EFNA5: variants seen among roughly 807,000 people sequenced by gnomAD.
The protein encoded by EFNA5 is ephrin-A5.
Under a neutral mutation model 22.9 loss-of-function variants are expected in EFNA5, and 5 were observed. That is an observed-to-expected ratio of 0.22 (90% CI 0.11 to 0.46). The LOEUF is 0.46. Among genes scored for constraint, EFNA5 ranks in the 20% least tolerant of loss-of-function variants. The pLI is 0.99. For synonymous variants in EFNA5, 113 were observed against 112.2 expected (o/e 1.01, Z -0.04); for missense variants, 237 against 293.3 (o/e 0.81, Z 1.40).
chr5:107,441,253 C>CTA (rs141594604), intron 1 of EFNA5, among the ~76,000 whole-genome samples: 17 of 152,180 alleles, frequency 1.1e-4, no homozygotes, highest in Non-Finnish European at 2.2e-4. Context: ...TACTATGGTT[C>CTA]TATAAACGTG....
intron 1 of EFNA5, among the ~76,000 whole-genome samples, chr5:107,574,692 A>G (rs1344960641): frequency 2.6e-5 from 4 of 152,194 alleles, no homozygotes; most frequent in Admixed American, 1.3e-4. Context: ...GAAGGGGGGA[A>G]AAAGACTAAG....
chr5:107,476,735 T>TTCTCTCTCTCTCTC (rs34563371), intron 1 of EFNA5, among the ~76,000 whole-genome samples: 19 of 148,230 alleles, frequency 1.3e-4, no homozygotes, highest in Middle Eastern at 3.5e-3. Context: ...TTTTTTCTCT[T>TTCTCTCTCTCTCTC]TCTCTCTCTC....
chr5:107,579,032 T>C (rs103840), intron 1 of EFNA5, among the ~76,000 whole-genome samples: 73,854 of 151,934 alleles, frequency 0.49, 19,174 homozygotes, highest in African/African-American at 0.64. Context: ...GGTGTCCACA[T>C]GAAGCACACT....
chr5:107,399,510 G>T (rs576356683), intron 2 of EFNA5, among the ~76,000 whole-genome samples: 2 of 152,222 alleles, frequency 1.3e-5, no homozygotes, highest in African/African-American at 4.8e-5. Context: ...CAGGTTGCAG[G>T]CCCCTCCCAG....
intron 1 of EFNA5, among the ~76,000 whole-genome samples, chr5:107,477,121 A>G (rs540034886): frequency 6.6e-5 from 10 of 152,292 alleles, no homozygotes; most frequent in African/African-American, 2.4e-4. Flanking sequence ...CCAAAACAAA[A>G]AGAGAAACAT....
chr5:107,556,453 A>G (rs1748417103), intron 1 of EFNA5, among the ~76,000 whole-genome samples: 1 of 152,208 alleles, frequency 6.6e-6, no homozygotes, highest in Non-Finnish European at 1.5e-5. Flanking sequence ...TTCTTAATAA[A>G]TAAATATCTC....
chr5:107,378,935 G>A lies in EFNA5; in HGVS notation c.*2320C>T, dbSNP rs1747351280. 6.6e-6 allele frequency: 1 copy of A among 151,668 alleles called. No homozygotes were observed. The highest frequency in any genetic ancestry group is 2.4e-5 in the African/African-American group (1 of 41,252). The allele number at this position is 151,668 out of a possible 1,614,324, so 9.4% of individuals were successfully genotyped here. On this transcript the variant is annotated 3_prime_UTR_variant, in exon 5 of 5. Transcript: ENST00000333274. ...TTGGTTCTATTGATCCATTTTAGAA[G>A]GTATCTTTCTCCCCCTACCCAAATC...
At chr5:107,490,106 T>C (rs1746760889) in intron 1 of EFNA5, among the ~76,000 whole-genome samples, 1 of 152,202 alleles carries the variant, frequency 6.6e-6, no homozygotes, top group Non-Finnish European at 1.5e-5. Flanking sequence ...TAGCTAGCAA[T>C]TAATTCTAGG....
chr5:107,402,135 A>G (rs768139039), intron 2 of EFNA5, among the ~76,000 whole-genome samples: 1 of 152,232 alleles, frequency 6.6e-6, no homozygotes, highest in Non-Finnish European at 1.5e-5. Flanking sequence ...ATATTCAATT[A>G]GGGGTGTATG....
intron 1 of EFNA5, among the ~76,000 whole-genome samples, chr5:107,447,164 A>G (rs1430693009): frequency 6.6e-6 from 1 of 152,216 alleles, no homozygotes; most frequent in Non-Finnish European, 1.5e-5. Context: ...AAGGGGAATC[A>G]GACTGAATGA....
At chr5:107,621,779 AAG>A (rs771580761) in intron 1 of EFNA5, among the ~76,000 whole-genome samples, 9 of 152,230 alleles carry the variant, frequency 5.9e-5, no homozygotes, top group Non-Finnish European at 8.8e-5. Context: ...GGGATTTAAA[AAG>A]AGGAAGGAAA....
At chr5:107,633,993 A>G (rs1580571845) in intron 1 of EFNA5, among the ~76,000 whole-genome samples, 1 of 152,246 alleles carries the variant, frequency 6.6e-6, no homozygotes, top group Admixed American at 6.5e-5. Flanking sequence ...AGATTTTAAG[A>G]GAAAAGACAT....
chr5:107,653,014 G>C (rs188197742), intron 1 of EFNA5, among the ~76,000 whole-genome samples: 1 of 152,132 alleles, frequency 6.6e-6, no homozygotes, highest in Admixed American at 6.5e-5. Flanking sequence ...AAGGCACTTA[G>C]GAGACCCAAG....
At chr5:107,619,195 G>T (rs1464938571) in intron 1 of EFNA5, among the ~76,000 whole-genome samples, 1 of 151,792 alleles carries the variant, frequency 6.6e-6, no homozygotes, top group Non-Finnish European at 1.5e-5. Flanking sequence ...AAAGTGCTGG[G>T]ATTACAGGTG....
At chr5:107,579,850 A>G (rs774553639) in intron 1 of EFNA5, among the ~76,000 whole-genome samples, 4 of 152,238 alleles carry the variant, frequency 2.6e-5, no homozygotes, top group Non-Finnish European at 5.9e-5. Flanking sequence ...CTTTTTAGCC[A>G]AAAGATCTCT....
intron 1 of EFNA5, among the ~76,000 whole-genome samples, chr5:107,550,365 A>G (rs778538537): frequency 2.6e-5 from 4 of 152,226 alleles, no homozygotes; most frequent in Non-Finnish European, 2.9e-5. Context: ...GTGTTTCCTC[A>G]TCTTTATATG....
intron 1 of EFNA5, among the ~76,000 whole-genome samples, chr5:107,608,524 T>C (rs1222784396): frequency 6.6e-6 from 1 of 152,138 alleles, no homozygotes; most frequent in Admixed American, 6.5e-5. Flanking sequence ...CTCAGCTGAA[T>C]ATGTTCTTTG....
At chr5:107,526,344 A>T (rs1306772360) in intron 1 of EFNA5, among the ~76,000 whole-genome samples, 7 of 152,210 alleles carry the variant, frequency 4.6e-5, no homozygotes, top group East Asian at 1.9e-4. Flanking sequence ...GTCTACAGTG[A>T]GAGTTATATT....
intron 2 of EFNA5, among the ~76,000 whole-genome samples, chr5:107,412,199 G>T (rs1382419489): frequency 1.3e-5 from 2 of 152,176 alleles, no homozygotes; most frequent in Non-Finnish European, 2.9e-5. Flanking sequence ...ATGGTAGAAA[G>T]AATTATTCTA....
Sources: gnomAD v4.1 joint callset for allele counts (sites outside exome capture counted in the v4.1 genomes callset) on GRCh38, gnomAD v4.1.1 for gene constraint, MANE v1.5 for transcripts, NCBI Gene and HGNC (gene_info 2026-07-23, HGNC 2026-07-21) for gene names.